The following TMEM132B variants were observed in gnomAD, a reference collection of about 807,000 sequenced individuals.
TMEM132B encodes the protein transmembrane protein 132B.
Under a neutral mutation model 90.8 loss-of-function variants are expected in TMEM132B, and 18 were observed. That is an observed-to-expected ratio of 0.20 (90% CI 0.14 to 0.29). The LOEUF (loss-of-function observed/expected upper bound fraction) is 0.29. Among genes scored for constraint, TMEM132B ranks in the 10% least tolerant of loss-of-function variants. TMEM132B has a pLI of 1.00. For synonymous variants in TMEM132B, 504 were observed against 523.3 expected (o/e 0.96, Z 0.50); for missense variants, 1,096 against 1,326.8 (o/e 0.83, Z 2.70).
intron 3 of TMEM132B, among the ~76,000 whole-genome samples, chr12:125,497,524 G>A (rs1882592542): frequency 6.6e-6 from 1 of 152,152 alleles, no homozygotes; most frequent in Non-Finnish European, 1.5e-5. Flanking sequence ...AGTGAGTTGG[G>A]TGGTGACTGA....
intron 5 of TMEM132B, among the ~76,000 whole-genome samples, chr12:125,592,984 A>C (rs942291639): frequency 1.3e-5 from 2 of 152,220 alleles, no homozygotes; most frequent in Non-Finnish European, 2.9e-5. Context: ...ACTTAGAAGA[A>C]CATACAGAAA....
intron 1 of TMEM132B, among the ~76,000 whole-genome samples, chr12:125,269,517 C>T (rs7132717): frequency 0.062 from 9,385 of 152,236 alleles, 996 homozygotes; most frequent in African/African-American, 0.21. Context: ...CTCAGCACAG[C>T]AGCTTGTCAA....
chr12:125,619,525 C>T (rs1886071230), intron 5 of TMEM132B, among the ~76,000 whole-genome samples: 1 of 151,978 alleles, frequency 6.6e-6, no homozygotes, highest in South Asian at 2.1e-4. Context: ...CCACCACACC[C>T]GGCTAATTTT....
intron 1 of TMEM132B, among the ~76,000 whole-genome samples, chr12:125,290,411 G>A (rs1209910964): frequency 6.6e-6 from 1 of 152,154 alleles, no homozygotes; most frequent in Non-Finnish European, 1.5e-5. Context: ...TGCTCCTGTA[G>A]ACTCCTCCCA....
intron 3 of TMEM132B, among the ~76,000 whole-genome samples, chr12:125,512,872 A>G (rs1592965391): frequency 6.6e-6 from 1 of 152,256 alleles, no homozygotes; most frequent in East Asian, 1.9e-4. Context: ...TATGAGAGGC[A>G]GAGAGACGAA....
rs139836374 is a variant in TMEM132B at position 125,211,845 on chromosome 12, G to T, written c.67+24979G>T. On this transcript the variant is annotated intron_variant, in intron 1 of 8. Transcript: ENST00000682704. The stretch of plus-strand genomic sequence containing the variant: ...CCTGCCTTTAACCATCTTGTCTGGG[G>T]AATTGAGCAAGCTCAGCTCCCTGTG... 6.9e-3 allele frequency among the ~76,000 whole-genome samples: 1,050 copies of T among 152,286 alleles called. 6 individuals carry two copies. The highest frequency in any genetic ancestry group is 0.027 in the Middle Eastern group (8 of 294).
Position 125,272,739 on chromosome 12 carries a change from A to G in TMEM132B, c.68-76713A>G, listed in dbSNP as rs564846220. The stretch of plus-strand genomic sequence containing the variant: ...AGTCGTCACATTATTAAATGACCCA[A>G]TGAAAGAATAAAAACCCTCCAACAC... On this transcript the variant is annotated intron_variant, in intron 1 of 8. Transcript: ENST00000682704. Among the ~76,000 whole-genome samples, 13 of 152,330 alleles carry G rather than the reference A, an allele frequency of 8.5e-5. No individual in the cohort carries two copies. In the South Asian group the frequency reaches 1.9e-3, roughly 22 times the overall value.
At chr12:125,546,261 C>T (rs1884090168) in intron 4 of TMEM132B, among the ~76,000 whole-genome samples, 1 of 152,076 alleles carries the variant, frequency 6.6e-6, no homozygotes, top group African/African-American at 2.4e-5. Context: ...CAGCTCACTG[C>T]AAGCTCCGCA....
chr12:125,227,282 C>A (rs1283432243), intron 1 of TMEM132B, among the ~76,000 whole-genome samples: 1 of 152,186 alleles, frequency 6.6e-6, no homozygotes, highest in Non-Finnish European at 1.5e-5. Flanking sequence ...TGGCAGGAAG[C>A]ACTTCACATG....
intron 4 of TMEM132B, among the ~76,000 whole-genome samples, chr12:125,576,243 T>C (rs1884938199): frequency 6.6e-6 from 1 of 152,076 alleles, no homozygotes; most frequent in Non-Finnish European, 1.5e-5. Flanking sequence ...GATGCTGTTA[T>C]AAAGATAATT....
rs370220788 is a variant in TMEM132B, at chr12:125,350,040, C to G, written c.656C>G (p.Thr219Arg). ...EEIPALLGGT[T>R]MELFFTLYPA... is the part of the protein sequence containing the mutation. ...ATCCCAGCCCTGCTCGGGGGCACCA[C>G]GATGGAGCTCTTCTTCACGCTCTAC... The change falls in exon 2 of 9, where the codon ACG becomes AGG. Residue 219 changes from threonine (T) to arginine (R), a missense_variant. By Grantham distance (71) the Thr-to-Arg change is moderately conservative (BLOSUM62 -1). Transcript: ENST00000682704. 1 of 1,614,210 alleles carries G rather than the reference C, an allele frequency of 6.2e-7. No homozygotes were observed. Among genetic ancestry groups the G allele is most frequent in the Non-Finnish European group, 8.5e-7 (1 of 1,180,032 alleles).
intron 1 of TMEM132B, among the ~76,000 whole-genome samples, chr12:125,233,296 G>C (rs1338211522): frequency 2.0e-5 from 3 of 152,192 alleles, no homozygotes; most frequent in Non-Finnish European, 4.4e-5. Flanking sequence ...GTGGCTCCAT[G>C]ATGTCAAAAA....
chr12:125,377,670 T>G (rs1440783119), intron 2 of TMEM132B, among the ~76,000 whole-genome samples: 1 of 152,190 alleles, frequency 6.6e-6, no homozygotes, highest in Non-Finnish European at 1.5e-5. Context: ...CACTATATAG[T>G]TCTGATCTCT....
intron 5 of TMEM132B, among the ~76,000 whole-genome samples, chr12:125,623,893 TG>T (rs998332091): frequency 4.6e-5 from 7 of 152,194 alleles, no homozygotes; most frequent in African/African-American, 1.2e-4. Context: ...TTGTCCTCTC[TG>T]GGTTACATCT....
chr12:125,310,260 C>T (rs1469484609), intron 1 of TMEM132B, among the ~76,000 whole-genome samples: 1 of 152,222 alleles, frequency 6.6e-6, no homozygotes, highest in Non-Finnish European at 1.5e-5. Flanking sequence ...CTGTGCAAAG[C>T]AGCTCTTCCT....
chr12:125,319,550 T>A (rs1876372973), intron 1 of TMEM132B, among the ~76,000 whole-genome samples: 1 of 152,186 alleles, frequency 6.6e-6, no homozygotes, highest in Admixed American at 6.5e-5. Context: ...CCACAGCTGA[T>A]GGTGACCTCA....
At chr12:125,450,432 T>G (rs558173966) in intron 3 of TMEM132B, among the ~76,000 whole-genome samples, 1 of 152,294 alleles carries the variant, frequency 6.6e-6, no homozygotes, top group African/African-American at 2.4e-5. Context: ...GAATCTAAAC[T>G]ATTGAAAATA....
chr12:125,421,710 G>A (rs1265814630), intron 3 of TMEM132B, among the ~76,000 whole-genome samples: 1 of 152,222 alleles, frequency 6.6e-6, no homozygotes, highest in Non-Finnish European at 1.5e-5. Context: ...AGAGGGAAAG[G>A]TCATCCTTTT....
rs747513768 is a variant in TMEM132B at position 125,652,627 on chromosome 12, C to G, written c.2101C>G (p.Gln701Glu). 6 of 1,611,130 alleles carry G rather than the reference C, an allele frequency of 3.7e-6. No homozygotes were observed. The Admixed American group carries it at 8.4e-5, about 22-fold the overall frequency. Residue 701 changes from glutamine (Q) to glutamate (E), a missense_variant, in exon 8 of 9, where the codon CAG (glutamine) becomes GAG (glutamate). Physicochemically the swap from Gln to Glu is conservative, Grantham distance 29. Transcript: ENST00000682704. The stretch of plus-strand genomic sequence containing the variant: ...TGCCCTGGATGTTCTTCAGTCCCCA[C>G]AGCAGGTGAGCGTTCCAGGGGCCCT... The part of the protein sequence containing the change: ...AAALDVLQSP[Q>E]QEAIVSSWIL...
Sources: allele counts gnomAD v4.1 joint callset (sites outside exome capture counted in the v4.1 genomes callset), GRCh38; gene constraint gnomAD v4.1.1; transcripts MANE v1.5; gene names NCBI Gene and HGNC (gene_info 2026-07-23, HGNC 2026-07-21).